CES5A: variants seen among roughly 807,000 people sequenced by gnomAD.
The protein encoded by CES5A is carboxylesterase 5.
CES5A carries 67 observed loss-of-function variants against 62.9 expected under a neutral mutation model. The observed-to-expected ratio is 1.07, with a 90% CI of 0.88 to 1.31. The LOEUF (loss-of-function observed/expected upper bound fraction) is 1.31, where lower values mean the gene tolerates loss of function less well. CES5A is among the 50% of genes most tolerant of loss of function. CES5A has a pLI of 0.00. For synonymous variants in CES5A, 296 were observed against 280.8 expected (o/e 1.05, Z -0.54); for missense variants, 748 against 708.5 (o/e 1.06, Z -0.63).
At chr16:55,939,604 AG>A (rs1180851763) in intron 2 of CES5A, among the ~76,000 whole-genome samples, 1 of 152,214 alleles carries the variant, frequency 6.6e-6, no homozygotes, top group Non-Finnish European at 1.5e-5. Flanking sequence ...TTCTGGGTCA[AG>A]AAGTAGGAAA....
At chr16:55,942,264 A>G (rs1442517576) in intron 2 of CES5A, among the ~76,000 whole-genome samples, 2 of 152,220 alleles carry the variant, frequency 1.3e-5, no homozygotes, top group African/African-American at 4.8e-5. Context: ...AAAAGACGTC[A>G]TTAAGAAAAT....
In CES5A at chr16:55,895,749, G is replaced by C. The variant is rs1262560805; in HGVS notation, c.-255-21712C>G. On this transcript the variant is annotated intron_variant, in intron 1 of 12. Coordinates refer to the CES5A transcript ENST00000518005. ...TATTTTACACGTGAGAAGAACATGA[G>C]TTTGGGGGATCCAGAAGTGGAATGC... 2.6e-5 allele frequency among the ~76,000 whole-genome samples: 4 copies of C among 152,224 alleles called. No individual in the cohort carries two copies. The South Asian group carries it at 8.3e-4, about 32-fold the overall frequency.
At chr16:55,852,795 G>T in intron 10 of CES5A, 86 bp downstream of exon 10, 1 of 1,454,766 alleles carries the variant, frequency 6.9e-7, no homozygotes, top group Non-Finnish European at 9.3e-7. Context: ...AGGCAGAGAA[G>T]GCAGCCGCTC....
chr16:55,953,118 T>C (rs2034575787), intron 1 of CES5A, among the ~76,000 whole-genome samples: 1 of 152,206 alleles, frequency 6.6e-6, no homozygotes, highest in Admixed American at 6.5e-5. Flanking sequence ...ATCATCTCAA[T>C]AGATACTGTC....
At chr16:55,856,797 A>G (rs2033253166) in intron 8 of CES5A, among the ~76,000 whole-genome samples, 1 of 152,206 alleles carries the variant, frequency 6.6e-6, no homozygotes, top group Non-Finnish European at 1.5e-5. Flanking sequence ...TAGTACTTTT[A>G]GAGGGGTGAT....
chr16:55,902,580 T>C (rs1307760810), intron 1 of CES5A, among the ~76,000 whole-genome samples: 2 of 152,152 alleles, frequency 1.3e-5, no homozygotes, highest in Admixed American at 6.5e-5. Context: ...TGTGAAATCA[T>C]TGTTTATTTA....
At position 55,875,306 on chromosome 16, in the gene CES5A, G is replaced by C; in HGVS notation, c.-85C>G. The C allele has an allele frequency of 6.4e-7, 1 of 1,567,954 alleles. No homozygotes were observed. The highest frequency in any genetic ancestry group is 8.6e-7 in the Non-Finnish European group (1 of 1,160,408). ...AGTTGGGAGCCAGAAAGAGCTTCCT[G>C]TTAACAGGCAAATGCTGAATAGGCA... On this transcript the variant is annotated 5_prime_UTR_variant, in exon 1 of 13. Coordinates refer to ENST00000290567, the MANE Select transcript of CES5A (RefSeq NM_001143685.2).
At chr16:55,941,436 A>T (rs963312403) in intron 2 of CES5A, among the ~76,000 whole-genome samples, 1 of 152,098 alleles carries the variant, frequency 6.6e-6, no homozygotes, top group Non-Finnish European at 1.5e-5. Flanking sequence ...GCTGAAAACT[A>T]TAAGAAATGC....
chr16:55,907,893 C>T (rs1186018235), intron 1 of CES5A, among the ~76,000 whole-genome samples: 2 of 152,190 alleles, frequency 1.3e-5, no homozygotes, highest in Non-Finnish European at 2.9e-5. Flanking sequence ...AATTGAGATG[C>T]ATGGCAGGTC....
chr16:55,880,500 T>A (rs966447566), intron 1 of CES5A, among the ~76,000 whole-genome samples: 15 of 152,156 alleles, frequency 9.9e-5, no homozygotes, highest in African/African-American at 3.6e-4. Context: ...GTAATCTACC[T>A]TTTTACCCAA....
At chr16:55,867,684 A>C (rs2033492282) in intron 4 of CES5A, among the ~76,000 whole-genome samples, 1 of 152,120 alleles carries the variant, frequency 6.6e-6, no homozygotes, top group Admixed American at 6.5e-5. Flanking sequence ...CTTAGTGGTT[A>C]CTATCTCAGC....
At chr16:55,868,031 A>G (rs1488153838) in intron 4 of CES5A, among the ~76,000 whole-genome samples, 1 of 151,818 alleles carries the variant, frequency 6.6e-6, no homozygotes, top group African/African-American at 2.4e-5. Context: ...TGTGAAAGGT[A>G]CTCCTGGTCC....
chr16:55,891,469 A>G (rs541999064), intron 1 of CES5A, among the ~76,000 whole-genome samples: 1 of 152,350 alleles, frequency 6.6e-6, no homozygotes, highest in Admixed American at 6.5e-5. Context: ...GGGAGACAAG[A>G]GATGTCAATT....
intron 9 of CES5A, among the ~76,000 whole-genome samples, chr16:55,853,859 C>A (rs1206022909): frequency 6.6e-6 from 1 of 152,176 alleles, no homozygotes; most frequent in Non-Finnish European, 1.5e-5. Context: ...AAAGGTGTTG[C>A]AGCTCAAACC....
intron 4 of CES5A, among the ~76,000 whole-genome samples, chr16:55,869,103 T>A (rs1567332202): frequency 6.6e-6 from 1 of 152,152 alleles, no homozygotes; most frequent in African/African-American, 2.4e-5. Context: ...ACACAAACAG[T>A]GTCCTGTTCT....
At chr16:55,937,313 G>T (rs2034387152) in intron 2 of CES5A, among the ~76,000 whole-genome samples, 1 of 152,132 alleles carries the variant, frequency 6.6e-6, no homozygotes. Context: ...CTCCCTCGCT[G>T]GGCCATGAAC....
At chr16:55,849,802 T>C (rs1320995741) in intron 10 of CES5A, 29 bp from the exon 11 acceptor site, 3 of 1,610,590 alleles carry the variant, frequency 1.9e-6, no homozygotes, top group Admixed American at 1.7e-5. Context: ...AGGTCAGGCA[T>C]GCATGCAGCG....
chr16:55,877,023 G>T (rs2033703672), upstream of CES5A, among the ~76,000 whole-genome samples: 1 of 152,150 alleles, frequency 6.6e-6, no homozygotes, highest in South Asian at 2.1e-4. Flanking sequence ...ATCAAGATGA[G>T]AGGACAGACC....
Position 55,869,727 on chromosome 16 carries a change from T to C in CES5A, c.435A>G (p.Pro145=), listed in dbSNP as rs368830616. ...GSKLPVLVWF[P]GGAFKTGSAS... ...CTGAGCCAGTCTTGAAGGCACCTCC[T>C]GGGAACCACACCAAGACCTGAGGAG... The change falls in exon 4 of 13, where the codon CCA becomes CCG. Residue 145 remains proline (P), a synonymous_variant. Transcript: ENST00000290567. The C allele has an allele frequency of 3.7e-6, 6 of 1,604,968 alleles. No homozygotes were observed. The highest frequency in any genetic ancestry group is 2.6e-6 in the Non-Finnish European group (3 of 1,174,714).
Sources: allele counts gnomAD v4.1 joint callset (sites outside exome capture counted in the v4.1 genomes callset), GRCh38; gene constraint gnomAD v4.1.1; transcripts MANE v1.5; gene names NCBI Gene and HGNC (gene_info 2026-07-23, HGNC 2026-07-21).